Variants in ZNF469 observed in about 807,000 individuals in gnomAD.
The protein encoded by ZNF469 is zinc finger protein 469.
Under a neutral mutation model 1.0 loss-of-function variants are expected in ZNF469, and 1 was observed. The observed-to-expected ratio is 1.00, with a 90% CI of 0.35 to 4.73. ZNF469 has a LOEUF of 4.73. Ranked by LOEUF, ZNF469 falls within the 30% of genes most tolerant of loss-of-function variation. The probability of loss-of-function intolerance (pLI) is 0.16; values close to 1 mark genes in which losing one functional copy is unlikely to be tolerated. For synonymous variants in ZNF469, 2,703 were observed against 2,363.4 expected (o/e 1.14, Z -4.17); for missense variants, 6,100 against 5,356.3 (o/e 1.14, Z -4.33).
chr16:88,347,527 A>G, the ZNF469 span, among the ~76,000 whole-genome samples: 1 of 152,076 alleles, frequency 6.6e-6, no homozygotes, highest in Admixed American at 6.5e-5. Context: ...CAGCCCCACC[A>G]TCTTCACTTT....
At chr16:88,168,739 C>T in the ZNF469 span, among the ~76,000 whole-genome samples, 1 of 152,226 alleles carries the variant, frequency 6.6e-6, no homozygotes, top group Non-Finnish European at 1.5e-5. This position sits in a 1 kb window ranked among gnomAD's most constrained non-coding sequence, Gnocchi z 4.3. Context: ...TGAGGATTAG[C>T]AAACAGCACC....
chr16:88,267,093 T>C, the ZNF469 span, among the ~76,000 whole-genome samples: 1 of 152,234 alleles, frequency 6.6e-6, no homozygotes, highest in Admixed American at 6.5e-5. Flanking sequence ...GAGCTCACTC[T>C]ATCTGCCTTC....
the ZNF469 span, among the ~76,000 whole-genome samples, chr16:88,183,790 T>C: frequency 1.3e-5 from 2 of 152,130 alleles, no homozygotes; most frequent in African/African-American, 2.4e-5. Flanking sequence ...TGTGAAGTCA[T>C]CAGCCCAGGA....
At chr16:88,236,466 G>A in the ZNF469 span, among the ~76,000 whole-genome samples, 2 of 152,242 alleles carry the variant, frequency 1.3e-5, no homozygotes, top group African/African-American at 4.8e-5. Context: ...ATAAAGAGAC[G>A]TGTCCGACCC....
chr16:88,365,310 G>A, the ZNF469 span, among the ~76,000 whole-genome samples: 1 of 152,206 alleles, frequency 6.6e-6, no homozygotes, highest in East Asian at 1.9e-4. Context: ...GGATTGGCCT[G>A]GTGTTGGCTC....
the ZNF469 span, among the ~76,000 whole-genome samples, chr16:88,199,984 G>T: frequency 3.3e-5 from 5 of 152,188 alleles, no homozygotes; most frequent in Non-Finnish European, 7.3e-5. Flanking sequence ...CTTCATGCCG[G>T]GCTCACCACC....
At position 88,438,655 on chromosome 16, in the gene ZNF469, G is replaced by A. The variant is rs273585629; in HGVS notation, c.11185G>A (p.Gly3729Ser). The A allele has an allele frequency of 9.8e-5, 152 of 1,549,864 alleles. No individual in the cohort carries two copies. Among genetic ancestry groups the A allele is most frequent in the African/African-American group, 1.2e-4 (9 of 72,986 alleles). The change falls in exon 3 of 3, where the codon GGC becomes AGC. Residue 3729 changes from glycine to serine, a missense_variant. Transcript: ENST00000565624. ...MKPATPKAKP[G>S]PSSQGSGSPR... ...GCCCGCCACCCCCAAAGCCAAACCC[G>A]GCCCCAGCTCCCAGGGCAGTGGAAG...
chr16:88,167,523 C>A, the ZNF469 span, among the ~76,000 whole-genome samples: 451 of 152,356 alleles, frequency 3.0e-3, 2 homozygotes, highest in Non-Finnish European at 5.5e-3. Flanking sequence ...CCCCAGCCCA[C>A]TGAGCGACAC....
the ZNF469 span, among the ~76,000 whole-genome samples, chr16:88,154,658 G>T: frequency 1.3e-5 from 2 of 152,340 alleles, no homozygotes; most frequent in South Asian, 2.1e-4. Flanking sequence ...TTTCCTGTTT[G>T]TAAGGGCTGC....
At chr16:88,371,498 A>G in the ZNF469 span, among the ~76,000 whole-genome samples, 11 of 152,192 alleles carry the variant, frequency 7.2e-5, no homozygotes, top group African/African-American at 2.2e-4. Flanking sequence ...TGGGAAAACC[A>G]AAGCTCAGGG....
chr16:88,324,924 G>A, the ZNF469 span, among the ~76,000 whole-genome samples: 1 of 152,162 alleles, frequency 6.6e-6, no homozygotes, highest in African/African-American at 2.4e-5. Context: ...AGGCCGTACA[G>A]GAAGCATGGT....
At position 88,432,428 on chromosome 16, in the gene ZNF469, G is replaced by A. The variant is rs1446647998; in HGVS notation, c.4958G>A (p.Arg1653Lys). ...GCCACCGTGGAAGCGGTTCAGGGGA[G>A]GCCTGGGGGGACGTGGCCCTGCCCA... ...AVATVEAVQGRPGGTWPCPAS... is the reference protein window; with the variant it reads ...AVATVEAVQGKPGGTWPCPAS... The change falls in exon 3 of 3, where the codon AGG becomes AAG. Residue 1653 changes from arginine to lysine, a missense_variant. Arg to Lys is a conservative substitution (Grantham distance 26). Coordinates refer to ENST00000565624, the MANE Select transcript of ZNF469 (RefSeq NM_001367624.2). 3 of 1,550,192 alleles carry A rather than the reference G, an allele frequency of 1.9e-6. No individual in the cohort carries two copies. Among genetic ancestry groups the A allele is most frequent in the Non-Finnish European group, 2.6e-6 (3 of 1,146,972 alleles).
At chr16:88,408,477 G>T (rs1312801095) in intron 1 of ZNF469, among the ~76,000 whole-genome samples, 1 of 152,258 alleles carries the variant, frequency 6.6e-6, no homozygotes, top group African/African-American at 2.4e-5. Context: ...GGAACAAAGG[G>T]AGGGCAAGTT....
At chr16:88,381,397 C>T (rs985391153), upstream of ZNF469, among the ~76,000 whole-genome samples, 7 of 150,378 alleles carry the variant, frequency 4.7e-5, no homozygotes, top group African/African-American at 1.2e-4. Flanking sequence ...TTCACACACA[C>T]GCACTCACAC....
chr16:88,137,683 A>T, the ZNF469 span, among the ~76,000 whole-genome samples: 1 of 152,378 alleles, frequency 6.6e-6, no homozygotes, highest in Admixed American at 6.5e-5. Context: ...GTGTGTGTAT[A>T]ACTATGCTAT....
In ZNF469 at chr16:88,432,030, G is replaced by A; in HGVS notation, c.4560G>A (p.Gly1520=). 6.4e-7 allele frequency: 1 copy of A among 1,550,420 alleles called. No individual in the cohort carries two copies. Among genetic ancestry groups the A allele is most frequent in the South Asian group, 1.2e-5 (1 of 84,052 alleles). The change falls in exon 3 of 3, where the codon GGG becomes GGA. Residue 1520 remains glycine (G), a synonymous_variant. Transcript: ENST00000565624. ...CTAGCCATTTTCCTGATCTCTCGGG[G>A]GGAAAGGTGCTCAGTAAGACGTGTC... is the stretch of plus-strand genomic sequence containing the variant. The part of the protein sequence containing the change: ...MLPSHFPDLS[G]GKVLSKTCPP...
chr16:88,234,902 C>T, the ZNF469 span: 1 of 152,132 alleles, frequency 6.6e-6, no homozygotes, highest in African/African-American at 2.4e-5. Context: ...CACGCAGAAG[C>T]TGTAATGTTC....
At chr16:88,245,455 C>G in the ZNF469 span, among the ~76,000 whole-genome samples, 8 of 152,272 alleles carry the variant, frequency 5.3e-5, no homozygotes, top group Non-Finnish European at 1.0e-4. Context: ...TGAGACTCAG[C>G]AGGGCTGAAG....
At position 88,437,001 on chromosome 16, in the gene ZNF469, C is replaced by G. The variant is rs775797987; in HGVS notation, c.9531C>G (p.Cys3177Trp). 1.5e-5 allele frequency: 23 copies of G among 1,520,426 alleles called. No homozygotes were observed. Among genetic ancestry groups the G allele is most frequent in the Non-Finnish European group, 2.0e-5 (23 of 1,136,058 alleles). The allele number at this position is 1,520,426 out of a possible 1,614,324, so 94.2% of individuals were successfully genotyped here. Residue 3177 changes from cysteine (C) to tryptophan (W), a missense_variant, in exon 3 of 3, where the codon TGC (cysteine) becomes TGG (tryptophan). Cys to Trp is a radical substitution (Grantham distance 215). Transcript: ENST00000565624. ...AGAGCAAGGCCGGGCCCTGGGCGTG[C>G]GGCATGTGCCTGAAGGAGGTGGCCG... is the stretch of plus-strand genomic sequence containing the variant. ...HAQSKAGPWACGMCLKEVADV... is the reference protein window; with the variant it reads ...HAQSKAGPWAWGMCLKEVADV...
Sources: allele counts gnomAD v4.1 joint callset (sites outside exome capture counted in the v4.1 genomes callset), GRCh38; gene constraint gnomAD v4.1.1; non-coding constraint Gnocchi (gnomAD v3.1); transcripts MANE v1.5; gene names NCBI Gene and HGNC (gene_info 2026-07-23, HGNC 2026-07-21).